Variants in SLC25A51 observed in about 807,000 individuals in gnomAD.
SLC25A51 encodes solute carrier family 25 member 51, also known as mitochondrial nicotinamide adenine dinucleotide transporter SLC25A51.
In SLC25A51, 11 loss-of-function variants were observed where a neutral mutation model predicts 19.1. The ratio of observed to expected loss-of-function variants is 0.58; its 90% CI spans 0.36 to 0.96. The LOEUF (loss-of-function observed/expected upper bound fraction) is 0.96, where lower values mean the gene tolerates loss of function less well. SLC25A51 is among the 40% of genes least tolerant of loss of function. SLC25A51 has a pLI of 0.01. For synonymous variants in SLC25A51, 105 were observed against 133.6 expected, an observed-to-expected ratio of 0.79 and a Z score of 1.47; for missense variants, 201 against 365.4, an observed-to-expected ratio of 0.55 and a Z score of 3.67.
At chr9:37,889,343 T>A (rs1259924386) in intron 2 of SLC25A51, among the ~76,000 whole-genome samples, 1 of 152,142 alleles carries the variant, frequency 6.6e-6, no homozygotes, top group African/African-American at 2.4e-5. Flanking sequence ...AGATAAGGAA[T>A]TCACAAACTA....
chr9:37,890,014 T>C (rs1284386309), intron 2 of SLC25A51, among the ~76,000 whole-genome samples: 2 of 151,794 alleles, frequency 1.3e-5, no homozygotes, highest in Non-Finnish European at 2.9e-5. Context: ...GAAATATATA[T>C]AAATATATAC....
Position 37,888,483 on chromosome 9 carries a change from G to C in SLC25A51, c.68C>G (p.Pro23Arg). The part of the protein sequence containing the change: ...ILTSSKQDIS[P>R]HITNVGEMKH... ...CATCTCACCAACATTTGTAATATGA[G>C]GTGATATATCTTGTTTTGAAGATGT... The change falls in exon 3 of 3, where the codon CCT becomes CGT. Residue 23 changes from proline to arginine, a missense_variant. Transcript: ENST00000242275. The C allele has an allele frequency of 6.2e-7, 1 of 1,614,220 alleles. No individual in the cohort carries two copies. The highest frequency in any genetic ancestry group is 2.2e-5 in the East Asian group (1 of 44,892).
At chr9:37,896,897 C>T (rs978149073) in intron 2 of SLC25A51, among the ~76,000 whole-genome samples, 16 of 152,014 alleles carry the variant, frequency 1.1e-4, no homozygotes, top group Admixed American at 1.0e-3. Flanking sequence ...ATGTCCGGTA[C>T]CTATGTCAGG....
chr9:37,897,889 A>C (rs1214946288), intron 2 of SLC25A51, among the ~76,000 whole-genome samples: 1 of 152,096 alleles, frequency 6.6e-6, no homozygotes, highest in African/African-American at 2.4e-5. Flanking sequence ...TATTCCACTC[A>C]AGTATCCCTC....
At chr9:37,887,551 A>G, downstream of SLC25A51, 10 of 1,354,120 alleles carry the variant, frequency 7.4e-6, no homozygotes, top group Non-Finnish European at 1.0e-5. Context: ...ATGGCTTTCC[A>G]TAATAAGATT....
chr9:37,895,538 C>T (rs533394451), intron 2 of SLC25A51, among the ~76,000 whole-genome samples: 156 of 152,200 alleles, frequency 1.0e-3, no homozygotes, highest in African/African-American at 3.3e-3. Flanking sequence ...TCTTTCATTT[C>T]TATTGACCAC....
In SLC25A51 at chr9:37,888,484, G is replaced by A. The variant is rs1329788318; in HGVS notation, c.67C>T (p.Pro23Ser). 4 of 1,614,106 alleles carry A rather than the reference G, an allele frequency of 2.5e-6. No homozygotes were observed. The highest frequency in any genetic ancestry group is 3.4e-6 in the Non-Finnish European group (4 of 1,180,042). Reference protein sequence around the residue: ...ILTSSKQDISPHITNVGEMKH... With the variant: ...ILTSSKQDISSHITNVGEMKH... Reference sequence around the variant, plus strand: ...ATCTCACCAACATTTGTAATATGAGGTGATATATCTTGTTTTGAAGATGTT... The same window carrying A: ...ATCTCACCAACATTTGTAATATGAGATGATATATCTTGTTTTGAAGATGTT... The change falls in exon 3 of 3, where the codon CCT (proline) becomes TCT (serine). Residue 23 changes from proline (P) to serine (S), a missense_variant. Coordinates refer to ENST00000242275, the MANE Select transcript of SLC25A51 (RefSeq NM_033412.4).
chr9:37,894,156 GT>G (rs912952686), intron 2 of SLC25A51, among the ~76,000 whole-genome samples: 3 of 150,888 alleles, frequency 2.0e-5, no homozygotes, highest in African/African-American at 2.4e-5. Flanking sequence ...TATGGTTGCT[GT>G]TTTTTTTTAT....
At chr9:37,894,963 T>C (rs565674645) in intron 2 of SLC25A51, among the ~76,000 whole-genome samples, 64 of 152,364 alleles carry the variant, frequency 4.2e-4, no homozygotes, top group African/African-American at 1.5e-3. Flanking sequence ...GCTCTTTTTA[T>C]GCCTGCATAG....
intron 2 of SLC25A51, among the ~76,000 whole-genome samples, chr9:37,899,253 C>T (rs1831790217): frequency 6.6e-6 from 1 of 152,194 alleles, no homozygotes; most frequent in African/African-American, 2.4e-5. Flanking sequence ...TTGGTGATTA[C>T]TCACTCTTGC....
rs138500752 is a variant in SLC25A51 at position 37,888,269 on chromosome 9, C to T, written c.282G>A (p.Thr94=). The change falls in exon 3 of 3, where the codon ACG becomes ACA. Residue 94 remains threonine (T), a synonymous_variant. Transcript: ENST00000242275. ...ILPPLMQKTT[T]LALMFGLYED... Reference sequence around the variant, plus strand: ...CATACAGACCAAACATAAGTGCAAGCGTAGTTGTCTTCTGCATCAATGGGG... The same window carrying T: ...CATACAGACCAAACATAAGTGCAAGTGTAGTTGTCTTCTGCATCAATGGGG... 1.3e-4 allele frequency: 209 copies of T among 1,614,184 alleles called. No homozygotes were observed. The African/African-American group carries it at 1.8e-3, about 14-fold the overall frequency.
chr9:37,899,027 T>G lies in SLC25A51; in HGVS notation c.-43+802A>C, dbSNP rs192899104. ...TCCTAGCTCCACCACACATGTACTG[T>G]GTGACCTTTGACAAGTCACTCTATA... is the stretch of plus-strand genomic sequence containing the variant. On this transcript the variant is annotated intron_variant, in intron 2 of 2. Transcript: ENST00000242275. 7.4e-3 allele frequency among the ~76,000 whole-genome samples: 1,126 copies of G among 152,316 alleles called. 12 individuals carry two copies. Among genetic ancestry groups the G allele is most frequent in the African/African-American group, 0.025 (1,051 of 41,576 alleles).
At chr9:37,886,125 G>A, downstream of SLC25A51, 6 of 1,446,536 alleles carry the variant, frequency 4.1e-6, no homozygotes, top group Non-Finnish European at 5.8e-6. Flanking sequence ...TACAAAGTGA[G>A]CACATCACCC....
At chr9:37,882,191 CAT>C (rs773319022) in intron 2 of SLC25A51, among the ~76,000 whole-genome samples, 15 of 152,322 alleles carry the variant, frequency 9.8e-5, no homozygotes, top group East Asian at 3.9e-4. Context: ...TACATTTGCA[CAT>C]GAGAAAAGAA....
At chr9:37,894,514 T>C (rs913056780) in intron 2 of SLC25A51, among the ~76,000 whole-genome samples, 2 of 152,004 alleles carry the variant, frequency 1.3e-5, no homozygotes, top group South Asian at 2.1e-4. Flanking sequence ...TTTGTAGAGA[T>C]GGGTTATCAA....
chr9:37,895,506 A>C (rs1214873782), intron 2 of SLC25A51, among the ~76,000 whole-genome samples: 1 of 151,798 alleles, frequency 6.6e-6, no homozygotes, highest in East Asian at 1.9e-4. Flanking sequence ...TGCCATTTAA[A>C]ATTTTTGAAT....
At chr9:37,880,291 G>T (rs1194958307) in exon 4 of SLC25A51, 2 of 143,774 alleles carry the variant, frequency 1.4e-5, no homozygotes, top group African/African-American at 5.2e-5. Context: ...CCAGCCTGGC[G>T]ACAGAGACCA....
At chr9:37,891,497 T>G (rs1767510831) in intron 2 of SLC25A51, among the ~76,000 whole-genome samples, 1 of 152,298 alleles carries the variant, frequency 6.6e-6, no homozygotes, top group South Asian at 2.1e-4. Context: ...GAGACTCCAT[T>G]TTGTTCTGTA....
At chr9:37,891,002 G>A (rs923706894) in intron 2 of SLC25A51, among the ~76,000 whole-genome samples, 7 of 152,262 alleles carry the variant, frequency 4.6e-5, no homozygotes, top group African/African-American at 1.7e-4. Flanking sequence ...AGATGTTAAA[G>A]AGAACCATGA....
Sources: allele counts gnomAD v4.1 joint callset (sites outside exome capture counted in the v4.1 genomes callset), GRCh38; gene constraint gnomAD v4.1.1; transcripts MANE v1.5; gene names NCBI Gene and HGNC (gene_info 2026-07-23, HGNC 2026-07-21).